SAMMSON: variants seen among roughly 807,000 people sequenced by gnomAD.
The protein encoded by SAMMSON is survival associated mitochondrial melanoma specific oncogenic non-coding RNA, also known as long intergenic non-protein coding RNA 1212.
At chr3:70,399,057 G>A (rs1030064738) in intron 2 of SAMMSON, among the ~76,000 whole-genome samples, 6 of 152,148 alleles carry the variant, frequency 3.9e-5, no homozygotes, top group East Asian at 1.9e-4. Flanking sequence ...TGAATCTTGC[G>A]TTTTTAGTCA....
At chr3:70,128,748 G>A (rs1282973681) in intron 4 of SAMMSON, among the ~76,000 whole-genome samples, 1 of 152,138 alleles carries the variant, frequency 6.6e-6, no homozygotes, top group East Asian at 1.9e-4. Flanking sequence ...GTCCAGACAA[G>A]GAATTCTTTT....
intron 4 of SAMMSON, among the ~76,000 whole-genome samples, chr3:70,209,661 G>A (rs1007291610): frequency 6.6e-6 from 1 of 152,048 alleles, no homozygotes; most frequent in Non-Finnish European, 1.5e-5. Context: ...AAAGCTTTGT[G>A]CTTGTCCTTT....
chr3:70,280,746 G>A (rs185741187), intron 6 of SAMMSON, among the ~76,000 whole-genome samples: 150 of 152,040 alleles, frequency 9.9e-4, no homozygotes, highest in Non-Finnish European at 1.8e-3. Flanking sequence ...AGTTTCCCCC[G>A]CCTTTCTGTG....
chr3:70,219,285 G>A (rs1019506490), intron 4 of SAMMSON, among the ~76,000 whole-genome samples: 8 of 152,176 alleles, frequency 5.3e-5, no homozygotes, highest in Non-Finnish European at 7.3e-5. Flanking sequence ...AATCCAATCA[G>A]TCTAGCACTT....
intron 4 of SAMMSON, among the ~76,000 whole-genome samples, chr3:70,133,160 C>T (rs980343766): frequency 6.6e-6 from 1 of 152,130 alleles, no homozygotes; most frequent in East Asian, 1.9e-4. Context: ...CCCTAGATAG[C>T]TGCAGGGTGG....
chr3:70,419,800 G>A (rs553545255), intron 2 of SAMMSON, among the ~76,000 whole-genome samples: 11 of 152,112 alleles, frequency 7.2e-5, no homozygotes, highest in African/African-American at 2.4e-4. Context: ...CACCACACCC[G>A]GCTAATTTTT....
intron 4 of SAMMSON, chr3:70,183,350 G>A (rs1183929753): frequency 6.6e-6 from 1 of 152,138 alleles, no homozygotes; most frequent in African/African-American, 2.4e-5. Context: ...TGTTCTCAGT[G>A]GCTCGTGTGG....
chr3:70,410,517 A>G (rs1701209866), intron 2 of SAMMSON, among the ~76,000 whole-genome samples: 1 of 152,236 alleles, frequency 6.6e-6, no homozygotes, highest in South Asian at 2.1e-4. Flanking sequence ...TTACTTGAGA[A>G]GGGAAAAAAG....
chr3:70,382,110 C>T (rs936189907), intron 9 of SAMMSON, among the ~76,000 whole-genome samples: 1 of 152,056 alleles, frequency 6.6e-6, no homozygotes, highest in Admixed American at 6.6e-5. Context: ...ACATGAAATA[C>T]ATATGGAAGA....
chr3:70,029,704 G>A (rs950522766), intron 3 of SAMMSON, among the ~76,000 whole-genome samples: 17 of 144,752 alleles, frequency 1.2e-4, no homozygotes, highest in Admixed American at 4.9e-4. Context: ...GCAGTGAGCC[G>A]AGATCACACC....
At chr3:70,326,394 T>C (rs1476874975) in intron 7 of SAMMSON, among the ~76,000 whole-genome samples, 1 of 152,228 alleles carries the variant, frequency 6.6e-6, no homozygotes, top group Non-Finnish European at 1.5e-5. Flanking sequence ...CATAGTATTA[T>C]TGTAGGAGTA....
chr3:70,055,092 A>T (rs2067162246), intron 3 of SAMMSON, among the ~76,000 whole-genome samples: 1 of 152,086 alleles, frequency 6.6e-6, no homozygotes, highest in Admixed American at 6.6e-5. Context: ...AGAAATATTA[A>T]CTGCAATCTT....
intron 6 of SAMMSON, among the ~76,000 whole-genome samples, chr3:70,253,517 G>T (rs1701788570): frequency 6.6e-6 from 1 of 152,178 alleles, no homozygotes; most frequent in African/African-American, 2.4e-5. Flanking sequence ...ACTTTGGGAG[G>T]CCAAGATAGG....
At chr3:70,027,464 T>C (rs1251392308) in intron 3 of SAMMSON, among the ~76,000 whole-genome samples, 1 of 152,238 alleles carries the variant, frequency 6.6e-6, no homozygotes, top group Non-Finnish European at 1.5e-5. Context: ...TCATCAAGCT[T>C]GTGCTAGGTT....
intron 2 of SAMMSON, among the ~76,000 whole-genome samples, chr3:70,419,179 C>G (rs1360965567): frequency 1.3e-5 from 2 of 151,912 alleles, no homozygotes; most frequent in Admixed American, 1.3e-4. Flanking sequence ...TGTTTGCCAC[C>G]ACGCATGGCT....
chr3:70,232,250 C>T (rs1191812092), intron 4 of SAMMSON, among the ~76,000 whole-genome samples: 1 of 152,164 alleles, frequency 6.6e-6, no homozygotes, highest in Non-Finnish European at 1.5e-5. Context: ...TTTGGACACA[C>T]CAAGTAGCTA....
At chr3:70,080,738 A>G (rs1265269220) in intron 4 of SAMMSON, among the ~76,000 whole-genome samples, 2 of 146,552 alleles carry the variant, frequency 1.4e-5, no homozygotes, top group East Asian at 4.0e-4. Context: ...CATTGTGTTT[A>G]TGTCCTATAA....
intron 9 of SAMMSON, among the ~76,000 whole-genome samples, chr3:70,362,962 A>G (rs766005354): frequency 3.9e-5 from 6 of 152,080 alleles, no homozygotes; most frequent in Non-Finnish European, 7.4e-5. Context: ...GAGCCCAAGT[A>G]TCTATCTCTA....
At chr3:70,002,904 A>G (rs996764542) in intron 1 of SAMMSON, among the ~76,000 whole-genome samples, 3 of 152,138 alleles carry the variant, frequency 2.0e-5, no homozygotes, top group Non-Finnish European at 4.4e-5. Flanking sequence ...TTTTACATCT[A>G]TACTGATTTT....
Sources: allele counts gnomAD v4.1 joint callset (sites outside exome capture counted in the v4.1 genomes callset), GRCh38; gene constraint gnomAD v4.1.1; transcripts MANE v1.5; gene names NCBI Gene and HGNC (gene_info 2026-07-23, HGNC 2026-07-21).